The following TCEA1 variants were observed in gnomAD, a reference collection of about 807,000 sequenced individuals.
The protein encoded by TCEA1 is transcription elongation factor A protein 1.
Under a neutral mutation model 43.8 loss-of-function variants are expected in TCEA1, and 21 were observed. The observed-to-expected ratio is 0.48, with a 90% CI of 0.34 to 0.69. The LOEUF is 0.69. TCEA1 is among the 30% of genes least tolerant of loss of function. The pLI, the probability that TCEA1 is intolerant of heterozygous loss-of-function variation, is 0.01. For synonymous variants in TCEA1, 104 were observed against 117.5 expected (o/e 0.88, Z 0.75); for missense variants, 250 against 365.1 (o/e 0.68, Z 2.57).
At chr8:54,019,680 C>T (rs1335912931) in intron 1 of TCEA1, among the ~76,000 whole-genome samples, 4 of 151,712 alleles carry the variant, frequency 2.6e-5, no homozygotes, top group Non-Finnish European at 5.9e-5. Context: ...AATTCTACAA[C>T]CCCTAAAACA....
intron 8 of TCEA1, among the ~76,000 whole-genome samples, chr8:53,976,920 C>T (rs1803349578): frequency 6.6e-6 from 1 of 152,196 alleles, no homozygotes; most frequent in Non-Finnish European, 1.5e-5. Flanking sequence ...AGGTAAAGGA[C>T]TTCAGACTAG....
chr8:53,984,014 C>T (rs1249807962), intron 7 of TCEA1, among the ~76,000 whole-genome samples: 1 of 152,168 alleles, frequency 6.6e-6, no homozygotes, highest in Non-Finnish European at 1.5e-5. Context: ...GCAGGAGAAT[C>T]GCTTGAACCC....
Position 53,993,766 on chromosome 8 carries a change from T to G in TCEA1, c.233-11A>C. 1.2e-6 allele frequency: 2 copies of G among 1,606,276 alleles called. No individual in the cohort carries two copies. The highest frequency in any genetic ancestry group is 1.7e-6 in the Non-Finnish European group (2 of 1,176,566). On this transcript the variant is annotated splice_polypyrimidine_tract_variant and intron_variant, in intron 3 of 9. Coordinates refer to ENST00000521604, the MANE Select transcript of TCEA1 (RefSeq NM_006756.4). ...CAGTTGATGGCCCATCTGAAAATTA[T>G]GAAATCTCTTAAGTTGCTAGCATTT... is the stretch of plus-strand genomic sequence containing the variant.
intron 1 of TCEA1, among the ~76,000 whole-genome samples, chr8:54,018,332 C>T (rs1026985798): frequency 3.9e-5 from 6 of 152,176 alleles, no homozygotes. Context: ...ACTTTATGTC[C>T]TTGCCTCACT....
chr8:53,971,246 TA>T (rs1803147473), intron 8 of TCEA1: 1 of 152,182 alleles, frequency 6.6e-6, no homozygotes, highest in South Asian at 2.1e-4. Flanking sequence ...AAACAAGAAA[TA>T]ATCAGTGACC....
intron 1 of TCEA1, among the ~76,000 whole-genome samples, chr8:54,016,259 G>C (rs939919784): frequency 6.6e-6 from 1 of 152,060 alleles, no homozygotes; most frequent in South Asian, 2.1e-4. Context: ...GGCAGATCAT[G>C]AAGTCAGGAG....
At chr8:54,009,204 A>C (rs1208424556) in intron 2 of TCEA1, among the ~76,000 whole-genome samples, 1 of 152,168 alleles carries the variant, frequency 6.6e-6, no homozygotes, top group Non-Finnish European at 1.5e-5. Context: ...GTGCAGAAAA[A>C]AGGGAACTCA....
At chr8:54,002,947 GA>G (rs1804317639) in intron 2 of TCEA1, 1 of 456,156 alleles carries the variant, frequency 2.2e-6, no homozygotes, top group Non-Finnish European at 4.4e-6. Context: ...CACACTGATG[GA>G]AAAGCAGAAA....
At chr8:53,978,836 G>T (rs1387387743) in intron 8 of TCEA1, 189 bp downstream of exon 8, 2 of 520,050 alleles carry the variant, frequency 3.8e-6, no homozygotes, top group East Asian at 3.0e-5. Flanking sequence ...CATATGTATC[G>T]GAAAAAACGT....
intron 3 of TCEA1, among the ~76,000 whole-genome samples, chr8:53,996,899 T>C (rs896954420): frequency 3.7e-5 from 5 of 136,748 alleles, no homozygotes; most frequent in African/African-American, 1.2e-4. Context: ...AAAAAGAAGG[T>C]TGTCTTTTTT....
chr8:54,003,955 T>C (rs1804359399), intron 2 of TCEA1, among the ~76,000 whole-genome samples: 1 of 149,764 alleles, frequency 6.7e-6, no homozygotes, highest in Non-Finnish European at 1.5e-5. Context: ...AAAAAGACAA[T>C]CCAATTTAAA....
intron 3 of TCEA1, among the ~76,000 whole-genome samples, 163 bp from the exon 4 acceptor site, chr8:53,993,918 C>G (rs147783274): frequency 6.1e-4 from 93 of 152,288 alleles, no homozygotes; most frequent in African/African-American, 2.2e-3. Context: ...TTTCACAATG[C>G]AAGTTCAGTC....
At chr8:53,968,773 C>G (rs1289556485) in intron 9 of TCEA1, among the ~76,000 whole-genome samples, 3 of 152,034 alleles carry the variant, frequency 2.0e-5, no homozygotes, top group Non-Finnish European at 4.4e-5. Flanking sequence ...GAACAAGACT[C>G]CATCTCAAAC....
At chr8:53,981,152 T>C (rs1216733358) in intron 7 of TCEA1, among the ~76,000 whole-genome samples, 3 of 152,134 alleles carry the variant, frequency 2.0e-5, no homozygotes, top group African/African-American at 4.8e-5. Flanking sequence ...AAAGAAGCTG[T>C]CTCCATAACA....
intron 1 of TCEA1, among the ~76,000 whole-genome samples, chr8:54,018,101 T>A (rs1387634411): frequency 6.6e-6 from 1 of 152,228 alleles, no homozygotes; most frequent in South Asian, 2.1e-4. Context: ...TGCTAATTAA[T>A]CTAACTCTGA....
At chr8:53,973,835 A>G in intron 8 of TCEA1, 1 of 379,376 alleles carries the variant, frequency 2.6e-6, no homozygotes, top group South Asian at 2.8e-5. Flanking sequence ...TTGAGGAGAA[A>G]GCCTGGCAAA....
intron 2 of TCEA1, 39 bp from the exon 3 acceptor site, chr8:54,000,089 T>C (rs574859430): frequency 8.5e-7 from 1 of 1,173,784 alleles, no homozygotes; most frequent in Admixed American, 2.7e-5. Flanking sequence ...ATACCAATTT[T>C]ATTTTAAACA....
intron 4 of TCEA1, among the ~76,000 whole-genome samples, chr8:53,989,431 A>AACATACT (rs1803801555): frequency 6.6e-6 from 1 of 152,206 alleles, no homozygotes; most frequent in Non-Finnish European, 1.5e-5. Flanking sequence ...ATGCTACAAG[A>AACATACT]ACATACTCCC....
At chr8:53,998,094 C>A (rs1475401732) in intron 3 of TCEA1, among the ~76,000 whole-genome samples, 1 of 152,096 alleles carries the variant, frequency 6.6e-6, no homozygotes, top group East Asian at 1.9e-4. Context: ...TGATAAAAAT[C>A]TGATTTGCAT....
Sources: allele counts gnomAD v4.1 joint callset (sites outside exome capture counted in the v4.1 genomes callset), GRCh38; gene constraint gnomAD v4.1.1; transcripts MANE v1.5; gene names NCBI Gene and HGNC (gene_info 2026-07-23, HGNC 2026-07-21).